The following LINGO2 variants were observed in gnomAD, a reference collection of about 807,000 sequenced individuals.
LINGO2 encodes the protein leucine rich repeat and Ig domain containing 2.
A neutral mutation model predicts 30.6 loss-of-function variants in LINGO2; 14 were observed. The ratio of observed to expected loss-of-function variants is 0.46; its 90% confidence interval spans 0.30 to 0.72. The LOEUF (loss-of-function observed/expected upper bound fraction) is 0.72. Ranked by LOEUF, LINGO2 falls within the 30% of genes least tolerant of loss-of-function variation. LINGO2 has a pLI of 0.07. For synonymous variants in LINGO2, 317 were observed against 288.5 expected, an observed-to-expected ratio of 1.10 and a Z score of -1.00; for missense variants, 729 against 751.7, an observed-to-expected ratio of 0.97 and a Z score of 0.35.
At chr9:28,971,749 T>C in the LINGO2 span, among the ~76,000 whole-genome samples, 1 of 152,258 alleles carries the variant, frequency 6.6e-6, no homozygotes, top group South Asian at 2.1e-4. Context: ...GACATAGGCC[T>C]GGCCACCTTT....
At chr9:27,953,355 C>A (rs1374774091) in intron 5 of LINGO2, among the ~76,000 whole-genome samples, 1 of 151,932 alleles carries the variant, frequency 6.6e-6, no homozygotes, top group Non-Finnish European at 1.5e-5. Flanking sequence ...TATAATAGAG[C>A]AAAATGGAAA....
At chr9:28,636,013 C>T (rs1827250986) in intron 1 of LINGO2, among the ~76,000 whole-genome samples, 1 of 152,066 alleles carries the variant, frequency 6.6e-6, no homozygotes, top group African/African-American at 2.4e-5. Context: ...TGTGATGTTC[C>T]CCTTCCTGTG....
chr9:28,453,407 A>G (rs905626152), intron 2 of LINGO2, among the ~76,000 whole-genome samples: 6 of 151,920 alleles, frequency 3.9e-5, no homozygotes, highest in Non-Finnish European at 7.4e-5. Context: ...AAATATAAAG[A>G]AACCTGATGC....
intron 1 of LINGO2, among the ~76,000 whole-genome samples, chr9:28,646,394 C>T (rs905245792): frequency 2.6e-5 from 4 of 152,004 alleles, no homozygotes; most frequent in Admixed American, 1.3e-4. Flanking sequence ...GGAGCAAGCA[C>T]GGTCAGTGAG....
chr9:28,693,108 A>G, the LINGO2 span, among the ~76,000 whole-genome samples: 1 of 151,756 alleles, frequency 6.6e-6, no homozygotes, highest in East Asian at 1.9e-4. Context: ...TCCTCTACTA[A>G]CCTCCCGGGC....
the LINGO2 span, among the ~76,000 whole-genome samples, chr9:28,993,161 C>T: frequency 6.6e-6 from 1 of 151,990 alleles, no homozygotes. Flanking sequence ...CAAATAGACA[C>T]AATAAAAAAT....
chr9:28,125,357 A>G (rs1827207620), intron 4 of LINGO2, among the ~76,000 whole-genome samples: 1 of 152,240 alleles, frequency 6.6e-6, no homozygotes, highest in Non-Finnish European at 1.5e-5. Flanking sequence ...TTAGCAGTCT[A>G]TATTTAATAC....
the LINGO2 span, among the ~76,000 whole-genome samples, chr9:28,719,863 G>A: frequency 6.6e-6 from 1 of 151,838 alleles, no homozygotes; most frequent in Non-Finnish European, 1.5e-5. Flanking sequence ...TCTTTCTCCA[G>A]TCCAACTAAC....
chr9:28,133,899 A>G (rs888408988), intron 4 of LINGO2, among the ~76,000 whole-genome samples: 2 of 152,216 alleles, frequency 1.3e-5, no homozygotes, highest in Non-Finnish European at 2.9e-5. Flanking sequence ...TCTTCAGTCC[A>G]GATTTGGCAT....
the LINGO2 span, among the ~76,000 whole-genome samples, chr9:29,212,881 T>C: frequency 6.6e-6 from 1 of 152,186 alleles, no homozygotes; most frequent in Non-Finnish European, 1.5e-5. Flanking sequence ...TTTTAAGTTA[T>C]TGTCTCTGGC....
upstream of LINGO2, among the ~76,000 whole-genome samples, chr9:28,672,831 A>G (rs1829073776): frequency 6.6e-6 from 1 of 152,134 alleles, no homozygotes; most frequent in Admixed American, 6.6e-5. Context: ...GGAAGAAGAA[A>G]TGTACATTTT....
the LINGO2 span, among the ~76,000 whole-genome samples, chr9:28,778,659 G>T: frequency 3.9e-5 from 6 of 152,088 alleles, no homozygotes; most frequent in South Asian, 1.2e-3. Flanking sequence ...TTTTACTTAA[G>T]ATTATTCCTG....
chr9:29,133,330 A>T, the LINGO2 span, among the ~76,000 whole-genome samples: 1 of 152,158 alleles, frequency 6.6e-6, no homozygotes. Flanking sequence ...TATTTCTCAT[A>T]TTATTTTTTT....
chr9:28,666,224 T>C (rs1189240058), intron 1 of LINGO2, among the ~76,000 whole-genome samples: 1 of 152,076 alleles, frequency 6.6e-6, no homozygotes, highest in Non-Finnish European at 1.5e-5. Context: ...ATTCATGGGT[T>C]TGAAAGCATG....
chr9:28,539,862 A>C (rs1460027419), intron 1 of LINGO2, among the ~76,000 whole-genome samples: 1 of 152,154 alleles, frequency 6.6e-6, no homozygotes, highest in Non-Finnish European at 1.5e-5. Flanking sequence ...ATTCAACTCT[A>C]GCTGTAAAAT....
the LINGO2 span, among the ~76,000 whole-genome samples, chr9:29,212,435 G>A: frequency 6.6e-6 from 1 of 151,894 alleles, no homozygotes; most frequent in African/African-American, 2.4e-5. Flanking sequence ...CCGGCCAAGC[G>A]GCAGCGTGGG....
At chr9:29,201,343 T>C in the LINGO2 span, among the ~76,000 whole-genome samples, 1 of 152,076 alleles carries the variant, frequency 6.6e-6, no homozygotes, top group Non-Finnish European at 1.5e-5. Context: ...AGAGATATAA[T>C]TCACATATCA....
At chr9:29,198,511 C>T in the LINGO2 span, among the ~76,000 whole-genome samples, 9 of 152,110 alleles carry the variant, frequency 5.9e-5, no homozygotes, top group East Asian at 3.9e-4. Flanking sequence ...CACTGATGCT[C>T]GGGGACAGAA....
At chr9:28,764,826 C>G in the LINGO2 span, among the ~76,000 whole-genome samples, 5 of 151,626 alleles carry the variant, frequency 3.3e-5, no homozygotes, top group Non-Finnish European at 7.4e-5. Context: ...AATCAACACA[C>G]AAAAATCAGT....
Sources: allele counts gnomAD v4.1 joint callset (sites outside exome capture counted in the v4.1 genomes callset), GRCh38; gene constraint gnomAD v4.1.1; transcripts MANE v1.5; gene names NCBI Gene and HGNC (gene_info 2026-07-23, HGNC 2026-07-21).